The following UNC80 variants were observed in gnomAD, a reference collection of about 807,000 sequenced individuals.
UNC80 encodes unc-80 subunit of NALCN channel complex.
A neutral mutation model predicts 384.6 loss-of-function variants in UNC80; 164 were observed. That is an observed-to-expected ratio of 0.43 (90% CI 0.38 to 0.49). The LOEUF (loss-of-function observed/expected upper bound fraction) is 0.49. Ranked by LOEUF, UNC80 falls within the 20% of genes least tolerant of loss-of-function variation. UNC80 has a pLI of 0.00. For synonymous variants in UNC80, 1,486 were observed against 1,527.8 expected, an observed-to-expected ratio of 0.97 and a Z score of 0.64; for missense variants, 3,330 against 4,143.0, an observed-to-expected ratio of 0.80 and a Z score of 5.39.
At chr2:209,978,800 C>A in intron 59 of UNC80, 92 bp downstream of exon 59, 1 of 1,212,968 alleles carries the variant, frequency 8.2e-7, no homozygotes, top group Non-Finnish European at 1.1e-6. Context: ...ACCTTTTCCG[C>A]TTCTGATCCC....
intron 5 of UNC80, 88 bp downstream of exon 5, chr2:209,786,277 A>G: frequency 6.8e-7 from 1 of 1,470,744 alleles, no homozygotes; most frequent in South Asian, 1.5e-5. Flanking sequence ...GCCCCTAAGA[A>G]GTCAAAAAGA....
chr2:209,941,033 G>C (rs2091594044), intron 43 of UNC80, among the ~76,000 whole-genome samples, 188 bp from the exon 44 acceptor site: 1 of 152,186 alleles, frequency 6.6e-6, no homozygotes, highest in Non-Finnish European at 1.5e-5. Context: ...GATGATGAAA[G>C]TTCATGGAGA....
At chr2:209,787,720 A>G (rs1384897387) in intron 5 of UNC80, among the ~76,000 whole-genome samples, 2 of 152,212 alleles carry the variant, frequency 1.3e-5, no homozygotes, top group East Asian at 1.9e-4. Context: ...TAGCCCATAC[A>G]ATTATATACG....
intron 6 of UNC80, among the ~76,000 whole-genome samples, chr2:209,789,920 C>T (rs1320220274): frequency 1.3e-5 from 2 of 152,022 alleles, no homozygotes; most frequent in Non-Finnish European, 1.5e-5. Flanking sequence ...GTTATCATTA[C>T]ATCCCAGATT....
chr2:209,804,678 G>GTT (rs1363244839), intron 7 of UNC80, among the ~76,000 whole-genome samples: 5 of 150,790 alleles, frequency 3.3e-5, no homozygotes, highest in Middle Eastern at 3.4e-3. Flanking sequence ...TTTCTTAGAA[G>GTT]TTATATATAT....
intron 51 of UNC80, among the ~76,000 whole-genome samples, chr2:209,961,913 C>T (rs1220614251): frequency 6.6e-6 from 1 of 152,088 alleles, no homozygotes; most frequent in Non-Finnish European, 1.5e-5. Context: ...CCCAAAAATA[C>T]AGGGGAAGCT....
At chr2:209,860,044 C>T (rs896422637) in intron 22 of UNC80, among the ~76,000 whole-genome samples, 5 of 151,946 alleles carry the variant, frequency 3.3e-5, no homozygotes, top group Non-Finnish European at 5.9e-5. Flanking sequence ...TCCCATTTGT[C>T]GATTTTTGCT....
At chr2:209,802,244 G>A (rs1488623360) in intron 7 of UNC80, among the ~76,000 whole-genome samples, 1 of 151,888 alleles carries the variant, frequency 6.6e-6, no homozygotes, top group Non-Finnish European at 1.5e-5. Flanking sequence ...TGCACAGAGT[G>A]GTGACTATAA....
intron 14 of UNC80, among the ~76,000 whole-genome samples, chr2:209,827,500 G>A (rs1047645800): frequency 1.3e-5 from 2 of 152,118 alleles, no homozygotes. Context: ...CTCCCCAGGA[G>A]CACCGAACAC....
At chr2:209,992,667 A>G (rs2093414616) in intron 62 of UNC80, among the ~76,000 whole-genome samples, 1 of 152,212 alleles carries the variant, frequency 6.6e-6, no homozygotes, top group Non-Finnish European at 1.5e-5. Context: ...CTTACCCAGA[A>G]ACTTTCTTTA....
At chr2:209,922,219 G>C (rs780011248) in intron 34 of UNC80, 33 bp from the exon 35 acceptor site, 4 of 1,550,628 alleles carry the variant, frequency 2.6e-6, no homozygotes, top group Middle Eastern at 1.7e-4. Context: ...TTGTTATAAA[G>C]CCAAAGTTCA....
intron 33 of UNC80, among the ~76,000 whole-genome samples, chr2:209,920,314 A>G (rs544708380): frequency 1.3e-5 from 2 of 152,240 alleles, no homozygotes; most frequent in South Asian, 4.1e-4. Flanking sequence ...TGTCTCTTGA[A>G]CCCTGTGTGA....
At chr2:209,818,928 T>A (rs1338231248) in intron 11 of UNC80, 65 bp from the exon 12 acceptor site, 1 of 1,486,990 alleles carries the variant, frequency 6.7e-7, no homozygotes, top group Non-Finnish European at 9.0e-7. Flanking sequence ...AGTAATAGTA[T>A]AACTGTCTAA....
chr2:209,952,840 CA>C (rs918806354), intron 47 of UNC80, among the ~76,000 whole-genome samples: 9 of 151,756 alleles, frequency 5.9e-5, no homozygotes, highest in Admixed American at 3.9e-4. Flanking sequence ...TTCAAGTTGC[CA>C]AAAAAATAGG....
At chr2:209,923,495 A>C (rs2090196754) in intron 35 of UNC80, among the ~76,000 whole-genome samples, 1 of 152,090 alleles carries the variant, frequency 6.6e-6, no homozygotes, top group South Asian at 2.1e-4. Flanking sequence ...TTTTCTTGGC[A>C]CCTTTGTCAA....
chr2:209,777,373 C>T lies in UNC80; in HGVS notation c.414C>T (p.Gly138=). ...AGCGGTTTGGGGGTACAGACCGAGG[C>T]TCCAGCTGGGGTGGAAGCAGCAGTG... ...NNERFGGTDR[G]SSWGGSSSAF... Residue 138 remains glycine (G), a synonymous_variant, in exon 4 of 65, where the codon GGC becomes GGT. Transcript: ENST00000673920. 6.2e-7 allele frequency: 1 copy of T among 1,614,204 alleles called. No individual in the cohort carries two copies. Among genetic ancestry groups the T allele is most frequent in the Non-Finnish European group, 8.5e-7 (1 of 1,180,038 alleles).
intron 51 of UNC80, among the ~76,000 whole-genome samples, chr2:209,963,834 G>C (rs1346409083): frequency 2.0e-5 from 3 of 152,196 alleles, no homozygotes; most frequent in Non-Finnish European, 4.4e-5. Context: ...TCATGATGGA[G>C]AAGATGGATT....
At chr2:209,866,270 C>G (rs941065268) in intron 22 of UNC80, among the ~76,000 whole-genome samples, 2 of 151,808 alleles carry the variant, frequency 1.3e-5, no homozygotes, top group African/African-American at 2.4e-5. Context: ...TTTTTCATCT[C>G]TTTGTCTCTA....
At chr2:209,893,677 G>A (rs894882872) in intron 26 of UNC80, among the ~76,000 whole-genome samples, 5 of 152,136 alleles carry the variant, frequency 3.3e-5, no homozygotes, top group African/African-American at 1.2e-4. Flanking sequence ...TGCCTTTTCT[G>A]AGGAGCAGAG....
Sources: allele counts gnomAD v4.1 joint callset (sites outside exome capture counted in the v4.1 genomes callset), GRCh38; gene constraint gnomAD v4.1.1; transcripts MANE v1.5; gene names NCBI Gene and HGNC (gene_info 2026-07-23, HGNC 2026-07-21).